Variants in MECOM observed in about 807,000 individuals in gnomAD.
MECOM encodes MDS1 and EVI1 complex locus, also known as histone-lysine N-methyltransferase MECOM.
Under a neutral mutation model 116.3 loss-of-function variants are expected in MECOM, and 13 were observed. The ratio of observed to expected loss-of-function variants is 0.11; its 90% CI spans 0.07 to 0.18. The LOEUF is 0.18. Ranked by LOEUF, MECOM falls within the 10% of genes least tolerant of loss-of-function variation. MECOM has a pLI of 1.00. For missense variants in MECOM, 1,299 were observed against 1,509.0 expected, an observed-to-expected ratio of 0.86 and a Z score of 2.31; for synonymous variants, 528 against 535.2, an observed-to-expected ratio of 0.99 and a Z score of 0.19.
chr3:169,509,933 C>T (rs1443890384), intron 1 of MECOM, among the ~76,000 whole-genome samples: 1 of 152,236 alleles, frequency 6.6e-6, no homozygotes, highest in Non-Finnish European at 1.5e-5. Context: ...CATCTCTTGA[C>T]TCACTTTGTA....
At chr3:169,436,245 C>CT (rs11349670) in intron 1 of MECOM, among the ~76,000 whole-genome samples, 3,345 of 93,646 alleles carry the variant, frequency 0.036, 182 homozygotes, top group East Asian at 0.16. Context: ...GGCTAAATCG[C>CT]TTTTTTTTTT....
At chr3:169,623,189 A>G (rs1770956061) in intron 1 of MECOM, among the ~76,000 whole-genome samples, 1 of 152,198 alleles carries the variant, frequency 6.6e-6, no homozygotes. Flanking sequence ...CTCATTCTAC[A>G]TTGAACCTAC....
At chr3:169,372,448 G>A (rs989161357) in intron 2 of MECOM, among the ~76,000 whole-genome samples, 4 of 151,922 alleles carry the variant, frequency 2.6e-5, no homozygotes, top group Admixed American at 1.3e-4. Flanking sequence ...TTTCTTTCAC[G>A]TAAACAAGAA....
intron 1 of MECOM, among the ~76,000 whole-genome samples, chr3:169,575,217 C>T (rs981180652): frequency 6.6e-6 from 1 of 152,080 alleles, no homozygotes; most frequent in African/African-American, 2.4e-5. Context: ...GAAAGCTTCG[C>T]CTTAAATATT....
At position 169,297,767 on chromosome 3, in the gene MECOM, G is replaced by T. The variant is rs188663524; in HGVS notation, c.375+83420C>A. On this transcript the variant is annotated intron_variant, in intron 2 of 16. Transcript: ENST00000651503. ...AAAGTCAGAGAGCCACAAGACTCTT[G>T]TGTTGTTATTAAATTCTTCCTCATG... Among the ~76,000 whole-genome samples, 165 of 152,314 alleles carry T rather than the reference G, an allele frequency of 1.1e-3. 1 individual carries two copies. The highest frequency in any genetic ancestry group is 3.9e-3 in the African/African-American group (161 of 41,578).
intron 2 of MECOM, among the ~76,000 whole-genome samples, chr3:169,346,655 C>T (rs1725404794): frequency 1.3e-5 from 2 of 151,894 alleles, no homozygotes; most frequent in African/African-American, 4.8e-5. Context: ...AAAAATTACA[C>T]ATGATCCTTA....
At chr3:169,508,441 A>G (rs1560371469) in intron 1 of MECOM, among the ~76,000 whole-genome samples, 1 of 151,996 alleles carries the variant, frequency 6.6e-6, no homozygotes, top group Non-Finnish European at 1.5e-5. Context: ...GTTATTTTCT[A>G]AAGTTTAAGC....
chr3:169,510,049 G>A (rs1364726309), intron 1 of MECOM, among the ~76,000 whole-genome samples: 1 of 152,236 alleles, frequency 6.6e-6, no homozygotes, highest in East Asian at 1.9e-4. Context: ...CTCTTATAGG[G>A]TGGGGGCAAT....
intron 2 of MECOM, chr3:169,146,012 A>T (rs973579818): frequency 1.3e-5 from 3 of 224,622 alleles, no homozygotes; most frequent in African/African-American, 2.2e-5. Context: ...TTGCTAGCAG[A>T]ACTGCATTTG....
At chr3:169,149,973 GTGTGTCTGTCTGTC>G (rs1301123600) in intron 2 of MECOM, among the ~76,000 whole-genome samples, 1 of 138,792 alleles carries the variant, frequency 7.2e-6, no homozygotes, top group African/African-American at 2.8e-5. Context: ...GTGTGTGTGT[GTGTGTCTGTCTGTC>G]TGTCTGTCTG....
chr3:169,196,709 C>A (rs1024817802), intron 2 of MECOM, among the ~76,000 whole-genome samples: 1 of 152,004 alleles, frequency 6.6e-6, no homozygotes, highest in Non-Finnish European at 1.5e-5. Context: ...TTATACACTG[C>A]TGGTGTGAAT....
intron 2 of MECOM, among the ~76,000 whole-genome samples, chr3:169,188,000 G>C (rs1164573579): frequency 6.6e-6 from 1 of 151,880 alleles, no homozygotes; most frequent in Non-Finnish European, 1.5e-5. Context: ...TTAAAGCTTT[G>C]CACAAATACC....
chr3:169,501,691 C>A (rs1399050046), intron 1 of MECOM, among the ~76,000 whole-genome samples: 1 of 152,016 alleles, frequency 6.6e-6, no homozygotes, highest in Non-Finnish European at 1.5e-5. Flanking sequence ...TACCAACTTC[C>A]TTTGCTTAAA....
intron 9 of MECOM, among the ~76,000 whole-genome samples, chr3:169,111,600 TTAATCTTCCTA>T (rs1727428792): frequency 1.3e-5 from 2 of 152,122 alleles, no homozygotes; most frequent in Non-Finnish European, 2.9e-5. Flanking sequence ...GTAACATTCT[TTAATCTTCCTA>T]TATAAAATTA....
rs766353589 is a variant in MECOM at position 169,282,364 on chromosome 3, C to G, written c.375+98823G>C. Among the ~76,000 whole-genome samples, 25 of 151,952 alleles carry G rather than the reference C, an allele frequency of 1.6e-4. No individual in the cohort carries two copies. The South Asian group carries it at 2.3e-3, about 14-fold the overall frequency. On this transcript the variant is annotated intron_variant, in intron 2 of 16. Coordinates refer to ENST00000651503, the MANE Select transcript of MECOM (RefSeq NM_004991.4). ...TTTGAGGGATATCGAGTTGCTAAAC[C>G]CTGAAGAAGGTATCCCCCCAGATAT...
chr3:169,382,849 CAAAAAAAA>C (rs1157852145), intron 1 of MECOM, among the ~76,000 whole-genome samples: 1 of 47,164 alleles, frequency 2.1e-5, no homozygotes, highest in African/African-American at 8.9e-5. Flanking sequence ...AAGCCCATCT[CAAAAAAAA>C]AAAAAAATAA....
At chr3:169,605,741 G>A (rs915490674) in intron 1 of MECOM, among the ~76,000 whole-genome samples, 1 of 152,120 alleles carries the variant, frequency 6.6e-6, no homozygotes, top group African/African-American at 2.4e-5. Context: ...TTGATGCTCT[G>A]GAACCCTATG....
chr3:169,498,102 C>A (rs1035380909), intron 1 of MECOM, among the ~76,000 whole-genome samples: 1 of 152,118 alleles, frequency 6.6e-6, no homozygotes, highest in Non-Finnish European at 1.5e-5. Flanking sequence ...ATCCAAGGAG[C>A]TTTGAAGTAC....
At chr3:169,490,341 G>A (rs1256545144) in intron 1 of MECOM, among the ~76,000 whole-genome samples, 1 of 152,072 alleles carries the variant, frequency 6.6e-6, no homozygotes, top group Non-Finnish European at 1.5e-5. Flanking sequence ...TTCAATTCAA[G>A]GTATCGATCT....
Sources: gnomAD v4.1 joint callset for allele counts (sites outside exome capture counted in the v4.1 genomes callset) on GRCh38, gnomAD v4.1.1 for gene constraint, MANE v1.5 for transcripts, NCBI Gene and HGNC (gene_info 2026-07-23, HGNC 2026-07-21) for gene names.